The following SOX5 variants were observed in gnomAD, a reference collection of about 807,000 sequenced individuals.
SOX5 encodes the protein transcription factor SOX-5.
In SOX5, 9 loss-of-function variants were observed where a neutral mutation model predicts 92.0. The ratio of observed to expected loss-of-function variants is 0.10; its 90% CI spans 0.06 to 0.17. The LOEUF is 0.17. Ranked by LOEUF, SOX5 falls within the 10% of genes least tolerant of loss-of-function variation. SOX5 has a pLI of 1.00. For missense variants in SOX5, 642 were observed against 944.5 expected (o/e 0.68, Z 4.20); for synonymous variants, 344 against 336.3 (o/e 1.02, Z -0.25).
At chr12:24,068,139 C>T (rs1941096927) in intron 4 of SOX5, among the ~76,000 whole-genome samples, 2 of 151,834 alleles carry the variant, frequency 1.3e-5, no homozygotes, top group East Asian at 1.9e-4. Context: ...AGGGAGACTC[C>T]GTCTCAAACA....
intron 4 of SOX5, among the ~76,000 whole-genome samples, chr12:24,017,690 C>T (rs141373720): frequency 5.3e-4 from 80 of 152,090 alleles, no homozygotes; most frequent in African/African-American, 1.8e-3. Context: ...GGCCACTACC[C>T]CAGGCAGACC....
At chr12:24,297,602 G>A (rs566848828) in intron 2 of SOX5, among the ~76,000 whole-genome samples, 4 of 152,298 alleles carry the variant, frequency 2.6e-5, no homozygotes, top group East Asian at 3.9e-4. Flanking sequence ...TCAACAAGCC[G>A]AGAAGATCTG....
At chr12:24,528,222 T>G (rs1444479153) in intron 1 of SOX5, among the ~76,000 whole-genome samples, 2 of 152,198 alleles carry the variant, frequency 1.3e-5, no homozygotes, top group African/African-American at 4.8e-5. Context: ...CTTCTCAAGA[T>G]CTCATTTATA....
chr12:23,687,499 A>T (rs1330033978), intron 6 of SOX5, among the ~76,000 whole-genome samples: 1 of 152,062 alleles, frequency 6.6e-6, no homozygotes, highest in Non-Finnish European at 1.5e-5. Flanking sequence ...TGACTTAATA[A>T]ACCCTACAGC....
chr12:23,577,191 A>ATATATAT lies in SOX5; in HGVS notation c.1165-1354_1165-1353insATATATA, dbSNP rs71059907. ...CACACACACACATATATATATATATATTTTTTTTTTTTTTTTTTTTTGAGA... is the reference window on the plus strand; with the variant it reads ...CACACACACACATATATATATATATATATATATTTTTTTTTTTTTTTTTTTTTTGAGA... On this transcript the variant is annotated intron_variant, in intron 9 of 14. Transcript: ENST00000451604. 2.6e-3 allele frequency among the ~76,000 whole-genome samples: 159 copies of ATATATAT among 61,408 alleles called. 1 individual carries two copies. Among genetic ancestry groups the ATATATAT allele is most frequent in the African/African-American group, 7.5e-3 (132 of 17,582 alleles). The allele number at this position is 61,408 out of a possible 152,430, so 40.3% of individuals were successfully genotyped here.
intron 3 of SOX5, among the ~76,000 whole-genome samples, chr12:24,222,870 T>C (rs1003561749): frequency 6.6e-6 from 1 of 152,176 alleles, no homozygotes; most frequent in Non-Finnish European, 1.5e-5. Context: ...CTTTTAACAT[T>C]GTTAAAATCA....
rs537623596 is a variant in SOX5, at chr12:24,085,524, G to T, written c.-2+127819C>A. Reference sequence around the variant, plus strand: ...TGGAAGTATCATTATGTTAAACCAGGACTTTATTTCATATATTTACATAAT... The same window carrying T: ...TGGAAGTATCATTATGTTAAACCAGTACTTTATTTCATATATTTACATAAT... On this transcript the variant is annotated intron_variant, in intron 4 of 4. Coordinates refer to the SOX5 transcript ENST00000446891. 1.4e-4 allele frequency among the ~76,000 whole-genome samples: 21 copies of T among 152,036 alleles called. No individual in the cohort carries two copies. The East Asian group carries it at 3.7e-3, about 27-fold the overall frequency.
rs1012597096 is a variant in SOX5 at position 23,596,531 on chromosome 12, C to T, written c.1164+7856G>A. Among the ~76,000 whole-genome samples, 9 of 152,218 alleles carry T rather than the reference C, an allele frequency of 5.9e-5. No homozygotes were observed. The East Asian group carries it at 1.7e-3, about 29-fold the overall frequency. On this transcript the variant is annotated intron_variant, in intron 9 of 14. Coordinates refer to ENST00000451604, the MANE Select transcript of SOX5 (RefSeq NM_006940.6). ...TTAAGAATAGTCCTCCTTAGTTTCA[C>T]GTATCAAGTCTCAAACCAAACAGTT...
intron 3 of SOX5, among the ~76,000 whole-genome samples, chr12:24,260,971 T>C (rs1182731996): frequency 6.6e-6 from 1 of 152,212 alleles, no homozygotes; most frequent in Non-Finnish European, 1.5e-5. Flanking sequence ...AATTTGCACA[T>C]GCCTCAGATT....
At chr12:23,737,142 C>T (rs1182769876) in intron 5 of SOX5, among the ~76,000 whole-genome samples, 3 of 152,250 alleles carry the variant, frequency 2.0e-5, no homozygotes, top group East Asian at 3.9e-4. Context: ...TACTTCAGAA[C>T]CTGACCACTT....
intron 3 of SOX5, among the ~76,000 whole-genome samples, chr12:23,803,390 T>C (rs1237652073): frequency 3.9e-5 from 6 of 152,192 alleles, no homozygotes; most frequent in African/African-American, 1.4e-4. Context: ...CTTCTCTCTG[T>C]TTTTATCTTC....
chr12:24,074,630 C>CAA (rs76320418), intron 4 of SOX5, among the ~76,000 whole-genome samples: 12,365 of 50,072 alleles, frequency 0.25, 1,632 homozygotes, highest in Middle Eastern at 0.39. Flanking sequence ...TGTAAACTAC[C>CAA]AAAAAAAAAA....
chr12:24,475,636 G>T (rs746488401), intron 1 of SOX5, among the ~76,000 whole-genome samples: 3 of 152,166 alleles, frequency 2.0e-5, no homozygotes, highest in Non-Finnish European at 2.9e-5. Context: ...ATAAAGTACA[G>T]AAATTGATTT....
intron 2 of SOX5, among the ~76,000 whole-genome samples, chr12:23,848,118 A>G (rs2096594589): frequency 6.6e-6 from 1 of 152,168 alleles, no homozygotes; most frequent in Non-Finnish European, 1.5e-5. Context: ...CCAAAAGCAG[A>G]AACATCCCAA....
intron 6 of SOX5, among the ~76,000 whole-genome samples, chr12:23,703,709 C>A (rs2090986155): frequency 6.9e-6 from 1 of 145,560 alleles, no homozygotes; most frequent in African/African-American, 2.7e-5. Context: ...TCAAAAGCTT[C>A]CTCTTCATTT....
chr12:24,469,376 A>G (rs560673865), intron 1 of SOX5, among the ~76,000 whole-genome samples: 3 of 152,148 alleles, frequency 2.0e-5, no homozygotes, highest in African/African-American at 7.2e-5. Context: ...ACCTGATCTA[A>G]ACTTTCCTTC....
intron 4 of SOX5, among the ~76,000 whole-genome samples, chr12:24,207,800 A>G (rs1958169985): frequency 6.6e-6 from 1 of 152,138 alleles, no homozygotes; most frequent in African/African-American, 2.4e-5. Context: ...TTCTTCCACT[A>G]AGGAGGCAAC....
chr12:24,194,763 C>T (rs370251067), intron 4 of SOX5, among the ~76,000 whole-genome samples: 1 of 151,952 alleles, frequency 6.6e-6, no homozygotes, highest in Non-Finnish European at 1.5e-5. Context: ...GGCTGGAAAG[C>T]TTTTAGGAGT....
intron 1 of SOX5, among the ~76,000 whole-genome samples, chr12:24,479,501 T>A (rs1312116251): frequency 6.6e-6 from 1 of 152,180 alleles, no homozygotes; most frequent in East Asian, 1.9e-4. Context: ...GTTAAATAAC[T>A]CACCTAAGAC....
Sources: allele counts gnomAD v4.1 joint callset (sites outside exome capture counted in the v4.1 genomes callset), GRCh38; gene constraint gnomAD v4.1.1; transcripts MANE v1.5; gene names NCBI Gene and HGNC (gene_info 2026-07-23, HGNC 2026-07-21).